HCN1: variants seen among roughly 807,000 people sequenced by gnomAD.
HCN1 encodes potassium/sodium hyperpolarization-activated cyclic nucleotide-gated channel 1.
In HCN1, 13 loss-of-function variants were observed where a neutral mutation model predicts 78.9. The ratio of observed to expected loss-of-function variants is 0.16; its 90% confidence interval spans 0.11 to 0.26. HCN1 has a LOEUF of 0.26. HCN1 is among the 10% of genes least tolerant of loss of function. The probability of loss-of-function intolerance (pLI) is 1.00; values close to 1 mark genes in which losing one functional copy is unlikely to be tolerated. For missense variants in HCN1, 810 were observed against 1,154.3 expected (o/e 0.70, Z 4.32); for synonymous variants, 552 against 455.5 (o/e 1.21, Z -2.70).
At chr5:45,316,510 G>A (rs1268752268) in intron 5 of HCN1, among the ~76,000 whole-genome samples, 4 of 152,144 alleles carry the variant, frequency 2.6e-5, no homozygotes, top group Non-Finnish European at 5.9e-5. Context: ...GCACAAGACA[G>A]GGATGCCCTC....
chr5:45,647,828 C>A (rs927118461), intron 1 of HCN1, among the ~76,000 whole-genome samples: 1 of 152,136 alleles, frequency 6.6e-6, no homozygotes, highest in Non-Finnish European at 1.5e-5. Flanking sequence ...ACTCCTGGCC[C>A]TAAATCTGCT....
In HCN1 at chr5:45,271,105, G is replaced by A. The variant is rs961670242; in HGVS notation, c.1619-3852C>T. 2.0e-5 allele frequency among the ~76,000 whole-genome samples: 3 copies of A among 152,120 alleles called. No individual in the cohort carries two copies. The East Asian group carries it at 5.8e-4, about 29-fold the overall frequency. Reference sequence around the variant, plus strand: ...CTGTTTAAAGCCTACATGAAGAAATGTGTACGTGTGTTATGAGCTCTTAAC... The same window carrying A: ...CTGTTTAAAGCCTACATGAAGAAATATGTACGTGTGTTATGAGCTCTTAAC... On this transcript the variant is annotated intron_variant, in intron 6 of 7. Transcript: ENST00000303230.
At chr5:45,267,489 G>C (rs1434062486) in intron 6 of HCN1, among the ~76,000 whole-genome samples, 1 of 151,668 alleles carries the variant, frequency 6.6e-6, no homozygotes, top group South Asian at 2.1e-4. Flanking sequence ...AGTTGAGAAG[G>C]CCAGGCGCAG....
At chr5:45,539,831 T>C (rs992998776) in intron 2 of HCN1, among the ~76,000 whole-genome samples, 13 of 147,174 alleles carry the variant, frequency 8.8e-5, no homozygotes, top group African/African-American at 3.2e-4. Flanking sequence ...CATACATACA[T>C]ATTTTTGCAT....
At position 45,377,271 on chromosome 5, in the gene HCN1, AT is replaced by A. The variant is rs751118508; in HGVS notation, c.1230+19220del. ...TCGGAATTCAATGCAGATGTAAAAA[AT>A]AACTAGATCTCAGATTTCAAGATAC... On this transcript the variant is annotated intron_variant, in intron 4 of 7. Coordinates refer to ENST00000303230, the MANE Select transcript of HCN1 (RefSeq NM_021072.4). Among the ~76,000 whole-genome samples, 3 of 152,052 alleles carry A rather than the reference AT, an allele frequency of 2.0e-5. No individual in the cohort carries two copies. The South Asian group carries it at 6.2e-4, about 31-fold the overall frequency.
chr5:45,456,319 CTGAA>C (rs1741028806), intron 3 of HCN1, among the ~76,000 whole-genome samples: 1 of 151,884 alleles, frequency 6.6e-6, no homozygotes, highest in African/African-American at 2.4e-5. Context: ...AAATAGATAA[CTGAA>C]TAATTAGTTT....
intron 3 of HCN1, among the ~76,000 whole-genome samples, chr5:45,450,205 C>T (rs1453554421): frequency 6.6e-6 from 1 of 152,178 alleles, no homozygotes; most frequent in Non-Finnish European, 1.5e-5. Context: ...CATATTATTT[C>T]TGTTTATTTC....
intron 4 of HCN1, 92 bp downstream of exon 4, chr5:45,396,400 T>A: frequency 3.3e-6 from 3 of 916,102 alleles, no homozygotes; most frequent in South Asian, 1.4e-5. Context: ...TTTTTTTTTA[T>A]AGAGGAGATG....
chr5:45,550,779 C>G (rs892643125), intron 2 of HCN1, among the ~76,000 whole-genome samples: 1 of 151,982 alleles, frequency 6.6e-6, no homozygotes, highest in Non-Finnish European at 1.5e-5. Flanking sequence ...CTTCAAAAAG[C>G]ATATTTAATC....
chr5:45,348,554 T>TA (rs1317786152), intron 5 of HCN1, among the ~76,000 whole-genome samples: 1 of 152,158 alleles, frequency 6.6e-6, no homozygotes, highest in African/African-American at 2.4e-5. Flanking sequence ...ATGCTCCAAT[T>TA]AAAAGACACA....
At chr5:45,596,255 G>C (rs1195657831) in intron 2 of HCN1, among the ~76,000 whole-genome samples, 2 of 152,072 alleles carry the variant, frequency 1.3e-5, no homozygotes, top group African/African-American at 2.4e-5. Context: ...CTAACTGTAA[G>C]TTGAGAAGCT....
chr5:45,556,137 C>T (rs532801947), intron 2 of HCN1, among the ~76,000 whole-genome samples: 1 of 152,056 alleles, frequency 6.6e-6, no homozygotes, highest in East Asian at 1.9e-4. Context: ...CTCCCCAGGA[C>T]ATTGGACTGG....
At chr5:45,468,044 T>C (rs1422279070) in intron 2 of HCN1, among the ~76,000 whole-genome samples, 1 of 152,080 alleles carries the variant, frequency 6.6e-6, no homozygotes, top group African/African-American at 2.4e-5. Context: ...CAAAATTTGA[T>C]TTCCAGAAGG....
intron 2 of HCN1, among the ~76,000 whole-genome samples, chr5:45,489,659 C>A (rs78604847): frequency 6.6e-6 from 1 of 152,048 alleles, no homozygotes. Context: ...GTAAAGGCAC[C>A]AAAGTATTTA....
intron 6 of HCN1, among the ~76,000 whole-genome samples, chr5:45,285,515 T>C (rs1379668758): frequency 2.0e-5 from 3 of 151,978 alleles, no homozygotes; most frequent in Non-Finnish European, 2.9e-5. Context: ...CATTTGGATT[T>C]ATTAAGGGTA....
rs913014574 is a variant in HCN1, at chr5:45,520,213, A to G, written c.850-58206T>C. Among the ~76,000 whole-genome samples, 3 of 152,018 alleles carry G rather than the reference A, an allele frequency of 2.0e-5. No homozygotes were observed. The South Asian group carries it at 6.2e-4, about 31-fold the overall frequency. On this transcript the variant is annotated intron_variant, in intron 2 of 7. Transcript: ENST00000303230. The stretch of plus-strand genomic sequence containing the variant: ...CTTTATTGAACATTATTTGGGCATT[A>G]CTGCATTGGTCATATGAGAATGTGG...
At chr5:45,475,603 C>T (rs771456563) in intron 2 of HCN1, among the ~76,000 whole-genome samples, 1 of 152,108 alleles carries the variant, frequency 6.6e-6, no homozygotes, top group East Asian at 1.9e-4. Flanking sequence ...TAAATGGAGG[C>T]GTCCAAAAGG....
chr5:45,614,971 G>GAA (rs1187828055), intron 2 of HCN1, among the ~76,000 whole-genome samples: 5 of 122,612 alleles, frequency 4.1e-5, no homozygotes, highest in African/African-American at 6.0e-5. Flanking sequence ...AAACCACAGA[G>GAA]AAAAAAAAAA....
In HCN1 at chr5:45,303,762, A is replaced by G. The variant is rs1745673552; in HGVS notation, c.1455T>C (p.Thr485=). The change falls in exon 6 of 8, where the codon ACT becomes ACC. Residue 485 remains threonine, a synonymous_variant. Coordinates refer to ENST00000303230, the MANE Select transcript of HCN1 (RefSeq NM_021072.4). ...CAAATCTCAACTTGCTCAGCATGGC[A>G]GTCACAAAATTAGGATCCGCATTAG... ...LFANADPNFV[T]AMLSKLRFEV... 28 of 1,613,704 alleles carry G rather than the reference A, an allele frequency of 1.7e-5. No individual in the cohort carries two copies. Among genetic ancestry groups the G allele is most frequent in the Non-Finnish European group, 2.2e-5 (26 of 1,179,776 alleles).
Sources: allele counts gnomAD v4.1 joint callset (sites outside exome capture counted in the v4.1 genomes callset), GRCh38; gene constraint gnomAD v4.1.1; transcripts MANE v1.5; gene names NCBI Gene and HGNC (gene_info 2026-07-23, HGNC 2026-07-21).